The following TEX13D variants were observed in gnomAD, a reference collection of about 807,000 sequenced individuals.
TEX13D encodes testis-expressed protein 13D.
For missense variants in TEX13D, 261 were observed against 265.8 expected, an observed-to-expected ratio of 0.98 and a Z score of 0.12; for synonymous variants, 115 against 104.5, an observed-to-expected ratio of 1.10 and a Z score of -0.61.
chrX:124,333,009 G>T lies in TEX13D; in HGVS notation c.92G>T (p.Gly31Val). 2.1e-6 allele frequency: 1 copy of T among 482,232 alleles called. No individual in the cohort carries two copies. The highest frequency in any genetic ancestry group is 2.9e-5 in the South Asian group (1 of 34,808). 39.7% of individuals were successfully genotyped at this position (482,232 alleles called of 1,213,427 possible). A position where few individuals can be genotyped will look rare whatever the true frequency, so the allele number is the denominator to read the frequency against. Reference protein sequence around the residue: ...INNEVLMDGSGPAFYVAFRSR... With the variant: ...INNEVLMDGSVPAFYVAFRSR... Reference sequence around the variant, plus strand: ...AATGAAGTCCTCATGGACGGCAGCGGCCCAGCCTTTTACGTGGCCTTCCGC... The same window carrying T: ...AATGAAGTCCTCATGGACGGCAGCGTCCCAGCCTTTTACGTGGCCTTCCGC... Residue 31 changes from glycine (G) to valine (V), a missense_variant, in exon 1 of 1, where the codon GGC becomes GTC. Physicochemically the swap from Gly to Val is moderately radical, Grantham distance 109. Transcript: ENST00000632372.
chrX:124,333,735 C>T lies in TEX13D; in HGVS notation c.818C>T (p.Ala273Val). Residue 273 changes from alanine to valine, a missense_variant, in exon 1 of 1, where the codon GCA becomes GTA. Ala to Val is a moderately conservative substitution (Grantham distance 64, BLOSUM62 0). Transcript: ENST00000632372. ...ATCCACCCACCTTGCCCGTGGCCTGCAGTGGGCTTCCAGGAGGAGATGGCC... is the reference window on the plus strand; with the variant it reads ...ATCCACCCACCTTGCCCGTGGCCTGTAGTGGGCTTCCAGGAGGAGATGGCC... ...TEIHPPCPWP[A>V]VGFQEEMAPL... The T allele has an allele frequency of 3.4e-6, 1 of 298,028 alleles. No individual in the cohort carries two copies. Among genetic ancestry groups the T allele is most frequent in the South Asian group, 2.0e-4 (1 of 5,053 alleles). 24.6% of individuals were successfully genotyped at this position (298,028 alleles called of 1,213,427 possible). A position where few individuals can be genotyped will look rare whatever the true frequency, so the allele number is the denominator to read the frequency against.
chrX:124,334,365 C>T lies in TEX13D; in HGVS notation c.1448C>T (p.Ala483Val). The change falls in exon 1 of 1, where the codon GCC (alanine) becomes GTC (valine). Residue 483 changes from alanine to valine, a missense_variant. Physicochemically the swap from Ala to Val is moderately conservative, Grantham distance 64. Transcript: ENST00000632372. ...SYSQEGSPER[A>V]QGMATLVFSR... The stretch of plus-strand genomic sequence containing the variant: ...AGCCAGGAAGGAAGCCCAGAGAGGG[C>T]CCAGGGGATGGCCACCCTGGTGTTT... The T allele has an allele frequency of 2.3e-6, 1 of 433,151 alleles. No individual in the cohort carries two copies. Among genetic ancestry groups the T allele is most frequent in the Non-Finnish European group, 2.9e-6 (1 of 343,283 alleles). 35.7% of individuals were successfully genotyped at this position (433,151 alleles called of 1,213,427 possible).
Position 124,334,252 on chromosome X carries a change from C to T in TEX13D, c.1335C>T (p.Val445=), listed in dbSNP as rs112353537. 594 of 910,512 alleles carry T rather than the reference C, an allele frequency of 6.5e-4. 3 individuals are homozygous for T. Among genetic ancestry groups the T allele is most frequent in the Middle Eastern group, 9.3e-4 (2 of 2,148 alleles). The allele number at this position is 910,512 out of a possible 1,213,427, so 75.0% of individuals were successfully genotyped here. Residue 445 remains valine (V), a synonymous_variant, in exon 1 of 1, where the codon GTC becomes GTT. Coordinates refer to ENST00000632372, the MANE Select transcript of TEX13D (RefSeq NM_001355534.2). ...GTCCAAAGAGGCCCCAGTGGACTGT[C>T]CCCCTGGGGGACAGCAGAAGTCATA... ...PEGPKRPQWT[V]PLGDSRSHIK...
chrX:124,335,270 C>A lies in TEX13D; in HGVS notation c.*208C>A. 3.8e-6 allele frequency: 1 copy of A among 259,794 alleles called. No homozygotes were observed. The highest frequency in any genetic ancestry group is 6.8e-6 in the Non-Finnish European group (1 of 147,678). The allele number at this position is 259,794 out of a possible 1,213,427, so 21.4% of individuals were successfully genotyped here. On this transcript the variant is annotated 3_prime_UTR_variant, in exon 1 of 1. Transcript: ENST00000632372. Reference sequence around the variant, plus strand: ...ATACACATACATACAAATATATATGCATTTATATTCTCATGTTATTCATTT... The same window carrying A: ...ATACACATACATACAAATATATATGAATTTATATTCTCATGTTATTCATTT...
rs2059973245 is a variant in TEX13D, at chrX:124,336,432, G to C, written c.*1370G>C. 1 of 112,180 alleles carries C rather than the reference G, an allele frequency of 8.9e-6. No homozygotes were observed. The highest frequency in any genetic ancestry group is 3.7e-4 in the South Asian group (1 of 2,694). The allele number at this position is 112,180 out of a possible 1,213,427, so 9.2% of individuals were successfully genotyped here. Reference sequence around the variant, plus strand: ...GTCTTGAAGAAAGACAGTGCTCTGAGGAGTATTCACTACACACTCCAGCCC... The same window carrying C: ...GTCTTGAAGAAAGACAGTGCTCTGACGAGTATTCACTACACACTCCAGCCC... On this transcript the variant is annotated 3_prime_UTR_variant, in exon 1 of 1. Transcript: ENST00000632372.
In TEX13D at chrX:124,333,945, C is replaced by T. The variant is rs2059967614; in HGVS notation, c.1028C>T (p.Pro343Leu). The change falls in exon 1 of 1, where the codon CCA (proline) becomes CTA (leucine). Residue 343 changes from proline to leucine, a missense_variant. Pro to Leu is a moderately conservative substitution (Grantham distance 98, BLOSUM62 -3). Coordinates refer to ENST00000632372, the MANE Select transcript of TEX13D (RefSeq NM_001355534.2). ...TCAGAGAGTCCCCAGGGGACAGCCC[C>T]ACTGGGGAGCAGCGGATGCCACTCC... ...PLSESPQGTA[P>L]LGSSGCHSQE... 1 of 723,278 alleles carries T rather than the reference C, an allele frequency of 1.4e-6. No individual in the cohort carries two copies. Among genetic ancestry groups the T allele is most frequent in the African/African-American group, 2.2e-5 (1 of 44,861 alleles). 59.6% of individuals were successfully genotyped at this position (723,278 alleles called of 1,213,427 possible). A position where few individuals can be genotyped will look rare whatever the true frequency, so the allele number is the denominator to read the frequency against.
chrX:124,334,750 C>T lies in TEX13D; in HGVS notation c.1833C>T (p.Ala611=), dbSNP rs1012389802. The T allele has an allele frequency of 2.1e-6, 2 of 937,134 alleles. No individual in the cohort carries two copies. Among genetic ancestry groups the T allele is most frequent in the East Asian group, 8.3e-5 (2 of 24,045 alleles). The allele number at this position is 937,134 out of a possible 1,213,427, so 77.2% of individuals were successfully genotyped here. A position where few individuals can be genotyped will look rare whatever the true frequency, so the allele number is the denominator to read the frequency against. ...GCCGAGAGAGGGCCCAGGGGATGGC[C>T]ACCCTGGTGTTTAGCAGGAGCTGCA... ...EGSRERAQGM[A]TLVFSRSCKP... is the part of the protein sequence containing the mutation. The change falls in exon 1 of 1, where the codon GCC becomes GCT. Residue 611 remains alanine (A), a synonymous_variant. Transcript: ENST00000632372.
Position 124,334,191 on chromosome X carries a change from C to T in TEX13D, c.1274C>T (p.Ala425Val). Residue 425 changes from alanine to valine, a missense_variant, in exon 1 of 1, where the codon GCC becomes GTC. Coordinates refer to ENST00000632372, the MANE Select transcript of TEX13D (RefSeq NM_001355534.2). ...EGCSDRAQEMATLVFIRRCKP... is the reference protein window; with the variant it reads ...EGCSDRAQEMVTLVFIRRCKP... ...TGTTCAGATAGGGCCCAGGAGATGG[C>T]CACCCTGGTGTTTATCAGGAGGTGC... 4.3e-6 allele frequency: 4 copies of T among 933,981 alleles called. No homozygotes were observed. The South Asian group carries it at 2.4e-4, about 56-fold the overall frequency. The allele number at this position is 933,981 out of a possible 1,213,427, so 77.0% of individuals were successfully genotyped here.
At position 124,335,002 on chromosome X, in the gene TEX13D, G is replaced by A. The variant is rs745604663; in HGVS notation, c.2085G>A (p.Thr695=). 807 of 937,274 alleles carry A rather than the reference G, an allele frequency of 8.6e-4. No individual in the cohort carries two copies. Among genetic ancestry groups the A allele is most frequent in the Non-Finnish European group, 9.4e-4 (708 of 756,174 alleles). The allele number at this position is 937,274 out of a possible 1,213,427, so 77.2% of individuals were successfully genotyped here. The change falls in exon 1 of 1, where the codon ACG becomes ACA. Residue 695 remains threonine (T), a synonymous_variant. Transcript: ENST00000632372. ...AAGCCATTAATTTTTCATGGCGTAC[G>A]GCCTGCTATAAATGCAAGAAAGCCT... ...WCKAINFSWR[T]ACYKCKKACV... is the part of the protein sequence containing the mutation.
At position 124,334,126 on chromosome X, in the gene TEX13D, G is replaced by A. The variant is rs760711854; in HGVS notation, c.1209G>A (p.Thr403=). ...KSEGPEGPQG[T]VPQGDSRSYS... ...AAGGTCCAGAGGGGCCCCAGGGGAC[G>A]GTCCCCCAGGGAGACAGCAGAAGCT... The change falls in exon 1 of 1, where the codon ACG becomes ACA. Residue 403 remains threonine, a synonymous_variant. Transcript: ENST00000632372. 9.3e-6 allele frequency: 8 copies of A among 856,919 alleles called. No individual in the cohort carries two copies. The African/African-American group carries it at 1.5e-4, about 17-fold the overall frequency. The allele number at this position is 856,919 out of a possible 1,213,427, so 70.6% of individuals were successfully genotyped here.
rs954349806 is a variant in TEX13D at position 124,332,940 on chromosome X, A to G, written c.23A>G (p.His8Arg). The G allele has an allele frequency of 5.6e-5, 20 of 355,276 alleles. No individual in the cohort carries two copies. The highest frequency in any genetic ancestry group is 2.7e-5 in the African/African-American group (1 of 37,484). The allele number at this position is 355,276 out of a possible 1,213,427, so 29.3% of individuals were successfully genotyped here. A position where few individuals can be genotyped will look rare whatever the true frequency, so the allele number is the denominator to read the frequency against. The change falls in exon 1 of 1, where the codon CAT becomes CGT. Residue 8 changes from histidine (H) to arginine (R), a missense_variant. Transcript: ENST00000632372. ...GCCATGGCGATGAATTTTGGGGACC[A>G]TGCCAGCGGCTTCCGCCACAATGAT... Reference protein sequence around the residue: MAMNFGDHASGFRHNDVI... With the variant: MAMNFGDRASGFRHNDVI...
chrX:124,332,951 T>G lies in TEX13D; in HGVS notation c.34T>G (p.Phe12Val). ...AMNFGDHASG[F>V]RHNDVIRFIN... ...GAATTTTGGGGACCATGCCAGCGGC[T>G]TCCGCCACAATGATGTGATCAGGTT... Residue 12 changes from phenylalanine (F) to valine (V), a missense_variant, in exon 1 of 1, where the codon TTC becomes GTC. By Grantham distance (50) the Phe-to-Val change is conservative. Transcript: ENST00000632372. 2.7e-6 allele frequency: 1 copy of G among 370,385 alleles called. No individual in the cohort carries two copies. The highest frequency in any genetic ancestry group is 4.7e-6 in the Non-Finnish European group (1 of 211,873). The allele number at this position is 370,385 out of a possible 1,213,427, so 30.5% of individuals were successfully genotyped here.
Position 124,334,747 on chromosome X carries a change from G to A in TEX13D, c.1830G>A (p.Met610Ile). The A allele has an allele frequency of 1.1e-6, 1 of 936,440 alleles. No individual in the cohort carries two copies. The highest frequency in any genetic ancestry group is 4.2e-5 in the East Asian group (1 of 24,029). The allele number at this position is 936,440 out of a possible 1,213,427, so 77.2% of individuals were successfully genotyped here. The change falls in exon 1 of 1, where the codon ATG (methionine) becomes ATA (isoleucine). Residue 610 changes from methionine to isoleucine, a missense_variant. Physicochemically the swap from Met to Ile is conservative, Grantham distance 10. Coordinates refer to ENST00000632372, the MANE Select transcript of TEX13D (RefSeq NM_001355534.2). ...QEGSRERAQG[M>I]ATLVFSRSCK... Reference sequence around the variant, plus strand: ...GAAGCCGAGAGAGGGCCCAGGGGATGGCCACCCTGGTGTTTAGCAGGAGCT... The same window carrying A: ...GAAGCCGAGAGAGGGCCCAGGGGATAGCCACCCTGGTGTTTAGCAGGAGCT...
In TEX13D at chrX:124,334,083, G is replaced by C; in HGVS notation, c.1166G>C (p.Arg389Pro). The C allele has an allele frequency of 1.1e-6, 1 of 936,899 alleles. No individual in the cohort carries two copies. The highest frequency in any genetic ancestry group is 1.3e-6 in the Non-Finnish European group (1 of 755,592). The allele number at this position is 936,899 out of a possible 1,213,427, so 77.2% of individuals were successfully genotyped here. Residue 389 changes from arginine to proline, a missense_variant, in exon 1 of 1, where the codon CGC becomes CCC. Physicochemically the swap from Arg to Pro is moderately radical, Grantham distance 103. Coordinates refer to ENST00000632372, the MANE Select transcript of TEX13D (RefSeq NM_001355534.2). Reference protein sequence around the residue: ...RARRMHTLVFRRSHKSEGPEG... With the variant: ...RARRMHTLVFPRSHKSEGPEG... Reference sequence around the variant, plus strand: ...CGGAGGATGCACACCCTGGTGTTTCGCAGGAGCCACAAATCAGAAGGTCCA... The same window carrying C: ...CGGAGGATGCACACCCTGGTGTTTCCCAGGAGCCACAAATCAGAAGGTCCA...
Position 124,335,117 on chromosome X carries a change from G to A in TEX13D, c.*55G>A. 1.2e-6 allele frequency: 1 copy of A among 810,253 alleles called. No individual in the cohort carries two copies. Among genetic ancestry groups the A allele is most frequent in the Non-Finnish European group, 1.6e-6 (1 of 639,737 alleles). The allele number at this position is 810,253 out of a possible 1,213,427, so 66.8% of individuals were successfully genotyped here. On this transcript the variant is annotated 3_prime_UTR_variant, in exon 1 of 1. Coordinates refer to ENST00000632372, the MANE Select transcript of TEX13D (RefSeq NM_001355534.2). Reference sequence around the variant, plus strand: ...CTTCAAAGAGAAAGCAATTTCCTAAGACCCTCTTCTGATTAAAGTATAACT... The same window carrying A: ...CTTCAAAGAGAAAGCAATTTCCTAAAACCCTCTTCTGATTAAAGTATAACT...
chrX:124,334,627 C>G lies in TEX13D; in HGVS notation c.1710C>G (p.Pro570=). The G allele has an allele frequency of 2.6e-6, 1 of 382,553 alleles. No individual in the cohort carries two copies. The highest frequency in any genetic ancestry group is 5.0e-5 in the East Asian group (1 of 20,085). The allele number at this position is 382,553 out of a possible 1,213,427, so 31.5% of individuals were successfully genotyped here. Residue 570 remains proline, a synonymous_variant, in exon 1 of 1, where the codon CCC becomes CCG. Coordinates refer to ENST00000632372, the MANE Select transcript of TEX13D (RefSeq NM_001355534.2). ...EEGPERPQDT[P]LGDSRSHIKE... is the part of the protein sequence containing the mutation. The stretch of plus-strand genomic sequence containing the variant: ...GTCCAGAGAGGCCCCAGGACACTCC[C>G]CTGGGGGACAGCAGAAGTCATATCA...
Position 124,333,978 on chromosome X carries a change from A to C in TEX13D, c.1061A>C (p.Glu354Ala). The C allele has an allele frequency of 1.1e-6, 1 of 877,953 alleles. No homozygotes were observed. Among genetic ancestry groups the C allele is most frequent in the Non-Finnish European group, 1.4e-6 (1 of 702,109 alleles). The allele number at this position is 877,953 out of a possible 1,213,427, so 72.4% of individuals were successfully genotyped here. A position where few individuals can be genotyped will look rare whatever the true frequency, so the allele number is the denominator to read the frequency against. Residue 354 changes from glutamate (E) to alanine (A), a missense_variant, in exon 1 of 1, where the codon GAA (glutamate) becomes GCA (alanine). Transcript: ENST00000632372. ...AGCAGCGGATGCCACTCCCAGGAAG[A>C]AGGTACAGAAGGACCCCAGGGGATG... The part of the protein sequence containing the change: ...LGSSGCHSQE[E>A]GTEGPQGMDP...
In TEX13D at chrX:124,334,889, C is replaced by A; in HGVS notation, c.1972C>A (p.Pro658Thr). 1.1e-6 allele frequency: 1 copy of A among 938,892 alleles called. No individual in the cohort carries two copies. 77.4% of individuals were successfully genotyped at this position (938,892 alleles called of 1,213,427 possible). A position where few individuals can be genotyped will look rare whatever the true frequency, so the allele number is the denominator to read the frequency against. Residue 658 changes from proline to threonine, a missense_variant, in exon 1 of 1, where the codon CCA becomes ACA. Transcript: ENST00000632372. ...ACCTCAGAGGCAGAAGGCCAAGAAA[C>A]CAAAAGTGAATAAAGTCTCGGGATC... is the stretch of plus-strand genomic sequence containing the variant. The part of the protein sequence containing the change: ...WQPQRQKAKK[P>T]KVNKVSGSQQ...
chrX:124,333,640 A>T lies in TEX13D; in HGVS notation c.723A>T (p.Pro241=). Residue 241 remains proline, a synonymous_variant, in exon 1 of 1, where the codon CCA becomes CCT. Coordinates refer to ENST00000632372, the MANE Select transcript of TEX13D (RefSeq NM_001355534.2). The stretch of plus-strand genomic sequence containing the variant: ...TCCCAATGAAATTCCCATCCTTGCC[A>T]CCTCTACCACCTGCTGTAGTCACGG... ...PPFPMKFPSL[P]PLPPAVVTGA... is the part of the protein sequence containing the mutation. 1 of 296,550 alleles carries T rather than the reference A, an allele frequency of 3.4e-6. No homozygotes were observed. The allele number at this position is 296,550 out of a possible 1,213,427, so 24.4% of individuals were successfully genotyped here.
Sources: gnomAD v4.1 joint callset for allele counts on GRCh38, gnomAD v4.1.1 for gene constraint, MANE v1.5 for transcripts, NCBI Gene and HGNC (gene_info 2026-07-23, HGNC 2026-07-21) for gene names.